The following NSMAF variants were observed in gnomAD, a reference collection of about 807,000 sequenced individuals.
The protein encoded by NSMAF is protein FAN.
In NSMAF, 90 loss-of-function variants were observed where a neutral mutation model predicts 134.9. That is an observed-to-expected ratio of 0.67 (90% CI 0.56 to 0.79). The LOEUF (loss-of-function observed/expected upper bound fraction) is 0.79, where lower values mean the gene tolerates loss of function less well. Among genes scored for constraint, NSMAF ranks in the 30% least tolerant of loss-of-function variants. NSMAF has a pLI of 0.00. For synonymous variants in NSMAF, 358 were observed against 389.6 expected, an observed-to-expected ratio of 0.92 and a Z score of 0.96; for missense variants, 1,010 against 1,119.0, an observed-to-expected ratio of 0.90 and a Z score of 1.39.
At chr8:58,631,448 C>G in intron 6 of NSMAF, 48 bp downstream of exon 6, 1 of 1,159,746 alleles carries the variant, frequency 8.6e-7, no homozygotes, top group Non-Finnish European at 1.2e-6. Flanking sequence ...TTTTATTGTT[C>G]AAAATGACTA....
intron 9 of NSMAF, among the ~76,000 whole-genome samples, chr8:58,616,900 A>T (rs1183344400): frequency 1.3e-5 from 2 of 152,188 alleles, no homozygotes; most frequent in Non-Finnish European, 2.9e-5. Flanking sequence ...AAGGCCAATT[A>T]AAAAAAGAAC....
chr8:58,644,588 C>T (rs1807402052), intron 1 of NSMAF, among the ~76,000 whole-genome samples: 1 of 152,148 alleles, frequency 6.6e-6, no homozygotes, highest in Non-Finnish European at 1.5e-5. Context: ...CTAGAAATAC[C>T]ATTTGACCAA....
At chr8:58,641,539 T>C (rs1429620576) in intron 2 of NSMAF, among the ~76,000 whole-genome samples, 2 of 152,238 alleles carry the variant, frequency 1.3e-5, no homozygotes, top group South Asian at 2.1e-4. Context: ...CCTTGCTTTT[T>C]ACACTTAATA....
chr8:58,654,341 G>A (rs757154850), intron 1 of NSMAF, among the ~76,000 whole-genome samples: 11 of 152,076 alleles, frequency 7.2e-5, no homozygotes, highest in Non-Finnish European at 1.2e-4. Context: ...ACCTGAGATC[G>A]GGAGTTCGAG....
At chr8:58,655,415 T>A (rs1266193515) in intron 1 of NSMAF, among the ~76,000 whole-genome samples, 1 of 150,338 alleles carries the variant, frequency 6.7e-6, no homozygotes, top group Non-Finnish European at 1.5e-5. Context: ...TTTTTTTTTC[T>A]TTGCGATAGG....
chr8:58,606,740 C>T (rs944400453), intron 11 of NSMAF, among the ~76,000 whole-genome samples: 4 of 152,126 alleles, frequency 2.6e-5, no homozygotes, highest in Non-Finnish European at 5.9e-5. Flanking sequence ...CCAGAGCTAC[C>T]CTTGGTTCAA....
At chr8:58,624,760 T>C (rs988420900) in intron 6 of NSMAF, among the ~76,000 whole-genome samples, 3 of 152,220 alleles carry the variant, frequency 2.0e-5, no homozygotes, top group Non-Finnish European at 4.4e-5. Context: ...GTTAGGTCCA[T>C]TGGGTCTACA....
intron 1 of NSMAF, among the ~76,000 whole-genome samples, chr8:58,646,706 A>C (rs1324845315): frequency 2.0e-5 from 3 of 152,174 alleles, no homozygotes; most frequent in Non-Finnish European, 4.4e-5. Flanking sequence ...AATGATTTTC[A>C]AACTACATTT....
At chr8:58,591,357 T>C (rs1224500441) in intron 23 of NSMAF, among the ~76,000 whole-genome samples, 1 of 152,052 alleles carries the variant, frequency 6.6e-6, no homozygotes, top group Non-Finnish European at 1.5e-5. Context: ...CAATTATATA[T>C]AGTTAAGTGT....
intron 1 of NSMAF, among the ~76,000 whole-genome samples, chr8:58,644,329 T>C (rs1416058544): frequency 6.6e-6 from 1 of 152,122 alleles, no homozygotes; most frequent in East Asian, 1.9e-4. Context: ...TGAACAAATC[T>C]GTGAGAAATG....
At chr8:58,620,659 G>T (rs942676377) in intron 9 of NSMAF, among the ~76,000 whole-genome samples, 4 of 152,114 alleles carry the variant, frequency 2.6e-5, no homozygotes, top group African/African-American at 9.7e-5. Flanking sequence ...ATGAAAGACA[G>T]GCATTTAAAT....
intron 6 of NSMAF, among the ~76,000 whole-genome samples, chr8:58,625,645 C>T (rs1167419272): frequency 6.6e-6 from 1 of 152,128 alleles, no homozygotes; most frequent in Non-Finnish European, 1.5e-5. Context: ...TTTTCCCATC[C>T]TTTCACTTTC....
In NSMAF at chr8:58,596,533, TTAGTGCC is replaced by T. The variant is rs1321779104; in HGVS notation, c.1792+847_1792+853del. Reference sequence around the variant, plus strand: ...ATGTGAGAACTGGGTCAAGTTCAATTTAGTGCCTAGCACATGCCCAGCGCAGAACAGA... The same window carrying T: ...ATGTGAGAACTGGGTCAAGTTCAATTTAGCACATGCCCAGCGCAGAACAGA... On this transcript the variant is annotated intron_variant, in intron 21 of 30. Transcript: ENST00000038176. Among the ~76,000 whole-genome samples the T allele has an allele frequency of 7.2e-5, 11 of 152,316 alleles. No homozygotes were observed. The East Asian group carries it at 1.3e-3, about 19-fold the overall frequency.
At position 58,594,235 on chromosome 8, in the gene NSMAF, G is replaced by A; in HGVS notation, c.1948C>T (p.Gln650Ter). The A allele has an allele frequency of 6.2e-7, 1 of 1,613,908 alleles. No homozygotes were observed. Among genetic ancestry groups the A allele is most frequent in the Non-Finnish European group, 8.5e-7 (1 of 1,179,814 alleles). Residue 650 changes from glutamine to a stop codon, truncating the protein, a stop_gained, in exon 23 of 31, where the codon CAA becomes TAA. Coordinates refer to ENST00000038176, the MANE Select transcript of NSMAF (RefSeq NM_003580.4). LOFTEE classifies it high-confidence loss of function. ...CCTTTCGGGGAGGAACACTGACCTT[G>A]GGATGTTGTGAATACTGAAGATCCA... is the stretch of plus-strand genomic sequence containing the variant. ...RNGSSVFTTS[Q>*]DSTLKMFSKE...
At chr8:58,606,292 G>C (rs1162404286) in intron 11 of NSMAF, among the ~76,000 whole-genome samples, 1 of 152,166 alleles carries the variant, frequency 6.6e-6, no homozygotes, top group Non-Finnish European at 1.5e-5. Flanking sequence ...ATCACCTTGA[G>C]TGTTGAATAT....
intron 6 of NSMAF, among the ~76,000 whole-genome samples, chr8:58,631,079 CTAAT>C (rs922132208): frequency 2.0e-5 from 3 of 152,220 alleles, no homozygotes; most frequent in Non-Finnish European, 4.4e-5. Flanking sequence ...TAGTTTCTAC[CTAAT>C]TAAGAGTACT....
chr8:58,617,244 G>A (rs1806678660), intron 9 of NSMAF, among the ~76,000 whole-genome samples: 1 of 152,086 alleles, frequency 6.6e-6, no homozygotes, highest in South Asian at 2.1e-4. Flanking sequence ...CAGGACATAG[G>A]CATGGGCAAG....
chr8:58,630,789 G>A (rs571894401), intron 6 of NSMAF, among the ~76,000 whole-genome samples: 9 of 152,134 alleles, frequency 5.9e-5, no homozygotes, highest in South Asian at 2.1e-4. Context: ...AATTTGTGCC[G>A]CCTAAGAGAT....
chr8:58,659,273 G>A (rs746399720), intron 1 of NSMAF: 15 of 1,512,312 alleles, frequency 9.9e-6, no homozygotes. Flanking sequence ...AGCTGCCCGC[G>A]GCCGCCGGGA....
Sources: gnomAD v4.1 joint callset for allele counts (sites outside exome capture counted in the v4.1 genomes callset) on GRCh38, gnomAD v4.1.1 for gene constraint, MANE v1.5 for transcripts, NCBI Gene and HGNC (gene_info 2026-07-23, HGNC 2026-07-21) for gene names.